NFIB: variants seen among roughly 807,000 people sequenced by gnomAD.
NFIB encodes the protein nuclear factor I B.
In NFIB, 11 loss-of-function variants were observed where a neutral mutation model predicts 61.5. The ratio of observed to expected loss-of-function variants is 0.18; its 90% CI spans 0.11 to 0.30. The LOEUF is 0.30. Ranked by LOEUF, NFIB falls within the 10% of genes least tolerant of loss-of-function variation. The probability of loss-of-function intolerance (pLI) is 1.00; values close to 1 mark genes in which losing one functional copy is unlikely to be tolerated. For synonymous variants in NFIB, 260 were observed against 216.5 expected, an observed-to-expected ratio of 1.20 and a Z score of -1.76; for missense variants, 471 against 608.9, an observed-to-expected ratio of 0.77 and a Z score of 2.38.
intron 2 of NFIB, among the ~76,000 whole-genome samples, chr9:14,257,784 C>T (rs2056371712): frequency 6.6e-6 from 1 of 152,044 alleles, no homozygotes; most frequent in Non-Finnish European, 1.5e-5. Flanking sequence ...AAGAAAGAAA[C>T]ATAATTCTAA....
At chr9:14,101,844 C>G (rs1004397720) in intron 10 of NFIB, among the ~76,000 whole-genome samples, 1 of 152,174 alleles carries the variant, frequency 6.6e-6, no homozygotes, top group Admixed American at 6.6e-5. Context: ...AGTATACAAA[C>G]AGAAATTAAA....
chr9:14,434,345 T>A, the NFIB span, among the ~76,000 whole-genome samples: 1 of 152,166 alleles, frequency 6.6e-6, no homozygotes, highest in African/African-American at 2.4e-5. Context: ...GATATGGATT[T>A]CCCACCCCAA....
intron 2 of NFIB, among the ~76,000 whole-genome samples, chr9:14,238,088 T>A (rs1209888401): frequency 2.0e-5 from 3 of 149,334 alleles, no homozygotes; most frequent in Admixed American, 6.7e-5. Context: ...GTAGCTGGAG[T>A]GGTAGGAGAT....
chr9:14,138,389 G>C (rs1466401181), intron 6 of NFIB, among the ~76,000 whole-genome samples: 2 of 152,062 alleles, frequency 1.3e-5, no homozygotes, highest in African/African-American at 4.8e-5. Flanking sequence ...AGGCTAAAAA[G>C]AAGGTGAAAA....
chr9:14,332,397 T>G (rs1279855248), intron 1 of NFIB, among the ~76,000 whole-genome samples: 1 of 149,348 alleles, frequency 6.7e-6, no homozygotes, highest in Non-Finnish European at 1.5e-5. Context: ...GAGAGATGGA[T>G]ATAAAGTAGA....
At chr9:14,439,198 C>T in the NFIB span, among the ~76,000 whole-genome samples, 1 of 151,962 alleles carries the variant, frequency 6.6e-6, no homozygotes, top group South Asian at 2.1e-4. Flanking sequence ...AAGTGAAATC[C>T]CCTCTCTACA....
intron 10 of NFIB, among the ~76,000 whole-genome samples, chr9:14,104,601 G>T (rs2036278230): frequency 1.3e-5 from 2 of 152,018 alleles, no homozygotes; most frequent in East Asian, 1.9e-4. Flanking sequence ...TGTTTTTTGA[G>T]ACAGGCTTTC....
At chr9:14,343,275 T>C (rs1416037325) in intron 1 of NFIB, among the ~76,000 whole-genome samples, 3 of 152,170 alleles carry the variant, frequency 2.0e-5, no homozygotes, top group Non-Finnish European at 4.4e-5. Flanking sequence ...ATTGAAGACC[T>C]CTACCCCGGT....
the NFIB span, among the ~76,000 whole-genome samples, chr9:14,515,148 C>T: frequency 2.6e-5 from 4 of 151,882 alleles, no homozygotes; most frequent in Middle Eastern, 3.4e-3. Context: ...GGAGACCTAG[C>T]CAGAAGGATA....
chr9:14,462,119 A>G, the NFIB span, among the ~76,000 whole-genome samples: 1 of 152,350 alleles, frequency 6.6e-6, no homozygotes, highest in Middle Eastern at 3.4e-3. Flanking sequence ...TTATCTTAAT[A>G]TAGGTGTTTT....
chr9:14,120,616 T>C lies in NFIB; in HGVS notation c.1069A>G (p.Thr357Ala), dbSNP rs200965339. ...IPGVAHSVIS[T>A]RTPPPPSPLP... ...GGTGAAGGTGGAGGTGGAGTTCGAG[T>C]TGAGATGACTGCAGAAGACAGAAAA... is the stretch of plus-strand genomic sequence containing the variant. The change falls in exon 8 of 11, where the codon ACT (threonine) becomes GCT (alanine). Residue 357 changes from threonine (T) to alanine (A), a missense_variant. This residue lies in a region of NFIB where 372 missense variants were observed against 395.6 expected (regional missense o/e 0.94). Transcript: ENST00000380953. This position sits in a 1 kb window ranked among gnomAD's most constrained non-coding sequence, Gnocchi z 4.4. 4.4e-6 allele frequency: 7 copies of C among 1,606,020 alleles called. No individual in the cohort carries two copies. The highest frequency in any genetic ancestry group is 5.9e-6 in the Non-Finnish European group (7 of 1,176,508).
chr9:14,156,613 C>T (rs545018762), intron 3 of NFIB, among the ~76,000 whole-genome samples: 11 of 152,216 alleles, frequency 7.2e-5, no homozygotes, highest in South Asian at 2.1e-4. Flanking sequence ...TAAGTCACAC[C>T]GGGGCAGGGT....
At chr9:14,186,826 T>C (rs1372137263) in intron 2 of NFIB, among the ~76,000 whole-genome samples, 2 of 152,170 alleles carry the variant, frequency 1.3e-5, no homozygotes, top group Admixed American at 6.6e-5. Flanking sequence ...GGTTGCTTCA[T>C]TGCTTTGGGT....
the NFIB span, among the ~76,000 whole-genome samples, chr9:14,503,104 A>G: frequency 0.2 from 29,092 of 144,426 alleles, 3,204 homozygotes; most frequent in East Asian, 0.38. Flanking sequence ...ATATATATAT[A>G]TATGTGTGTA....
At chr9:14,232,137 G>A (rs540572900) in intron 2 of NFIB, among the ~76,000 whole-genome samples, 12 of 152,284 alleles carry the variant, frequency 7.9e-5, no homozygotes, top group African/African-American at 2.9e-4. Flanking sequence ...GCGAGGGAAG[G>A]AGCGACACCA....
chr9:14,347,817 C>G (rs929038313), intron 1 of NFIB, among the ~76,000 whole-genome samples: 4 of 152,146 alleles, frequency 2.6e-5, no homozygotes, highest in African/African-American at 9.7e-5. Context: ...GAGGGCAAGT[C>G]TTATCTGCCA....
In NFIB at chr9:14,082,417, G is replaced by T; in HGVS notation, c.*5892C>A. 1 of 203,226 alleles carries T rather than the reference G, an allele frequency of 4.9e-6. No homozygotes were observed. Among genetic ancestry groups the T allele is most frequent in the Admixed American group, 6.0e-5 (1 of 16,720 alleles). The allele number at this position is 203,226 out of a possible 1,614,324, so 12.6% of individuals were successfully genotyped here. ...GAGAAATATCATTGAGGTGGGGGCA[G>T]CTCTTCCCAGGATGCTAAAAGTTCT... On this transcript the variant is annotated 3_prime_UTR_variant, in exon 11 of 11. Transcript: ENST00000380953.
At chr9:14,093,265 AG>A (rs2034238400) in intron 10 of NFIB, among the ~76,000 whole-genome samples, 1 of 152,180 alleles carries the variant, frequency 6.6e-6, no homozygotes, top group Non-Finnish European at 1.5e-5. Flanking sequence ...CTAGTTAAAC[AG>A]TTTATGAAAT....
chr9:14,190,825 CAG>C (rs1222887692), intron 2 of NFIB, among the ~76,000 whole-genome samples: 2 of 152,136 alleles, frequency 1.3e-5, no homozygotes, highest in Admixed American at 6.6e-5. Flanking sequence ...TACAAGCTCA[CAG>C]AGACATGAAG....
Sources: allele counts gnomAD v4.1 joint callset (sites outside exome capture counted in the v4.1 genomes callset), GRCh38; gene constraint gnomAD v4.1.1; regional missense constraint gnomAD v4.1.1; non-coding constraint Gnocchi (gnomAD v3.1); transcripts MANE v1.5; gene names NCBI Gene and HGNC (gene_info 2026-07-23, HGNC 2026-07-21).